The following ZNF492 variants were observed in gnomAD, a reference collection of about 807,000 sequenced individuals.
The protein encoded by ZNF492 is zinc finger protein 492, also known as zinc finger protein 115 (Y20).
In ZNF492, 3 loss-of-function variants were observed where a neutral mutation model predicts 6.4. The ratio of observed to expected loss-of-function variants is 0.47; its 90% CI spans 0.21 to 1.22. The LOEUF is 1.22. ZNF492 is among the 50% of genes most tolerant of loss of function. The pLI, the probability that ZNF492 is intolerant of heterozygous loss-of-function variation, is 0.22. For missense variants in ZNF492, 356 were observed against 612.5 expected (o/e 0.58, Z 4.42); for synonymous variants, 112 against 205.3 (o/e 0.55, Z 3.89).
intron 3 of ZNF492, among the ~76,000 whole-genome samples, chr19:22,660,799 A>G (rs1157163087): frequency 6.6e-6 from 1 of 150,426 alleles, no homozygotes; most frequent in Non-Finnish European, 1.5e-5. Flanking sequence ...CATCTTTTAT[A>G]TGTAGGGCAT....
chr19:22,653,486 C>G, intron 2 of ZNF492, 53 bp downstream of exon 2: 1 of 1,581,158 alleles, frequency 6.3e-7, no homozygotes, highest in Non-Finnish European at 8.5e-7. Context: ...AATTTTATTT[C>G]TCTTTTTTGT....
intron 1 of ZNF492, among the ~76,000 whole-genome samples, chr19:22,649,712 T>C (rs1164520160): frequency 6.6e-6 from 1 of 152,224 alleles, no homozygotes; most frequent in Non-Finnish European, 1.5e-5. Flanking sequence ...TGATATTTTT[T>C]CTTCTACTTT....
chr19:22,665,529 C>A lies in ZNF492; in HGVS notation c.*264C>A. ...ATAGCATTAAAAGTGCAATTACTGT[C>A]AAAAGAGTTCAAAAAATAAGCATTT... On this transcript the variant is annotated 3_prime_UTR_variant, in exon 4 of 4. Transcript: ENST00000456783. 1.8e-6 allele frequency: 1 copy of A among 554,136 alleles called. No homozygotes were observed. Among genetic ancestry groups the A allele is most frequent in the South Asian group, 3.2e-5 (1 of 30,788 alleles). 34.3% of individuals were successfully genotyped at this position (554,136 alleles called of 1,614,324 possible).
chr19:22,659,065 A>C (rs1363588460), intron 3 of ZNF492, among the ~76,000 whole-genome samples: 1 of 151,764 alleles, frequency 6.6e-6, no homozygotes. Flanking sequence ...TTTGAAAAAC[A>C]TTGCATTAAA....
At position 22,634,386 on chromosome 19, in the gene ZNF492, C is replaced by G; in HGVS notation, c.-182C>G. The G allele has an allele frequency of 8.0e-7, 1 of 1,256,890 alleles. No individual in the cohort carries two copies. Among genetic ancestry groups the G allele is most frequent in the East Asian group, 2.6e-5 (1 of 37,844 alleles). 77.9% of individuals were successfully genotyped at this position (1,256,890 alleles called of 1,614,324 possible). On this transcript the variant is annotated 5_prime_UTR_variant, in exon 1 of 4. Transcript: ENST00000456783. ...GTTCGCTGTTCTGCGTCCTCTGGTC[C>G]TAGAGGCCCATCCTCTGTGGCCCTG...
At chr19:22,659,990 T>C (rs1039544718) in intron 3 of ZNF492, among the ~76,000 whole-genome samples, 1 of 152,126 alleles carries the variant, frequency 6.6e-6, no homozygotes, top group African/African-American at 2.4e-5. Context: ...TTAATGTCCT[T>C]TTTTGTCTCC....
At position 22,654,018 on chromosome 19, in the gene ZNF492, A is replaced by T. The variant is rs1971968404; in HGVS notation, c.130+3A>T. 1.9e-6 allele frequency: 3 copies of T among 1,588,456 alleles called. No individual in the cohort carries two copies. The South Asian group carries it at 3.5e-5, about 18-fold the overall frequency. On this transcript the variant is annotated splice_donor_region_variant and intron_variant, in intron 3 of 3. Coordinates refer to ENST00000456783, the MANE Select transcript of ZNF492 (RefSeq NM_020855.3). ...TGAGATGGTAGCTGAACCCCCAGGT[A>T]GGTGAGAGTGAAAGTGAATACAACA... is the stretch of plus-strand genomic sequence containing the variant.
intron 1 of ZNF492, among the ~76,000 whole-genome samples, chr19:22,647,242 G>T (rs1358559902): frequency 1.7e-4 from 24 of 141,590 alleles, no homozygotes; most frequent in African/African-American, 5.3e-4. Context: ...GTTTTTTTTT[G>T]TTTGTTTGTT....
At chr19:22,655,789 C>T (rs2957850) in intron 3 of ZNF492, among the ~76,000 whole-genome samples, 95 of 138,128 alleles carry the variant, frequency 6.9e-4, no homozygotes, top group Non-Finnish European at 1.1e-3. Context: ...TTTGAAGGAG[C>T]AAACACCTCT....
intron 1 of ZNF492, among the ~76,000 whole-genome samples, chr19:22,645,378 T>A (rs1323042875): frequency 1.3e-5 from 2 of 152,164 alleles, no homozygotes; most frequent in African/African-American, 4.8e-5. Context: ...TTGTTTTTTT[T>A]CTTGTAAATT....
chr19:22,636,783 G>A (rs1046783133), intron 1 of ZNF492, among the ~76,000 whole-genome samples: 8 of 149,818 alleles, frequency 5.3e-5, no homozygotes, highest in Non-Finnish European at 7.4e-5. Context: ...ACAGGCATGC[G>A]CCACCACGCC....
intron 3 of ZNF492, among the ~76,000 whole-genome samples, chr19:22,656,271 T>C (rs62118625): frequency 0.072 from 10,592 of 147,216 alleles, 319 homozygotes; most frequent in Middle Eastern, 0.097. Flanking sequence ...CCACCTTTAG[T>C]TGGCTTGTTA....
chr19:22,637,275 C>A (rs1971778528), intron 1 of ZNF492, among the ~76,000 whole-genome samples: 1 of 152,024 alleles, frequency 6.6e-6, no homozygotes, highest in Non-Finnish European at 1.5e-5. Context: ...TTGCACCCGG[C>A]CTAAACCTTT....
chr19:22,643,069 G>C (rs1971844627), intron 1 of ZNF492, among the ~76,000 whole-genome samples: 1 of 152,100 alleles, frequency 6.6e-6, no homozygotes, highest in Non-Finnish European at 1.5e-5. Flanking sequence ...TTTGAGACCA[G>C]CCTGACCAAC....
Position 22,665,970 on chromosome 19 carries a change from A to C in ZNF492, c.*705A>C, listed in dbSNP as rs1169169117. On this transcript the variant is annotated 3_prime_UTR_variant, in exon 4 of 4. Transcript: ENST00000456783. ...TAATCCAAAACTAAACTTGGCAGAA[A>C]AATTATTTGTTTATAACTTTAAAAG... is the stretch of plus-strand genomic sequence containing the variant. 3 of 152,190 alleles carry C rather than the reference A, an allele frequency of 2.0e-5. No homozygotes were observed. The highest frequency in any genetic ancestry group is 2.9e-5 in the Non-Finnish European group (2 of 68,030). The allele number at this position is 152,190 out of a possible 1,614,324, so 9.4% of individuals were successfully genotyped here. A position where few individuals can be genotyped will look rare whatever the true frequency, so the allele number is the denominator to read the frequency against.
At chr19:22,660,426 T>TG (rs1226690104) in intron 3 of ZNF492, among the ~76,000 whole-genome samples, 4 of 150,362 alleles carry the variant, frequency 2.7e-5, no homozygotes, top group African/African-American at 9.9e-5. Context: ...TTTTTTTTTT[T>TG]GGTGGCACCT....
At chr19:22,643,863 T>G (rs1242374069) in intron 1 of ZNF492, among the ~76,000 whole-genome samples, 2 of 152,168 alleles carry the variant, frequency 1.3e-5, no homozygotes. Context: ...ACCTGTGCAC[T>G]AAAGGGTAGT....
At chr19:22,645,168 T>A (rs765442349) in intron 1 of ZNF492, among the ~76,000 whole-genome samples, 11 of 151,982 alleles carry the variant, frequency 7.2e-5, no homozygotes, top group Non-Finnish European at 1.6e-4. Flanking sequence ...TGCCCCAGCC[T>A]CCCGAGAACC....
intron 3 of ZNF492, among the ~76,000 whole-genome samples, chr19:22,658,878 T>C (rs975554221): frequency 2.1e-5 from 3 of 142,726 alleles, no homozygotes; most frequent in Non-Finnish European, 4.5e-5. Flanking sequence ...CTTTTTCACC[T>C]TTATAGTCAT....
Sources: allele counts gnomAD v4.1 joint callset (sites outside exome capture counted in the v4.1 genomes callset), GRCh38; gene constraint gnomAD v4.1.1; transcripts MANE v1.5; gene names NCBI Gene and HGNC (gene_info 2026-07-23, HGNC 2026-07-21).